Variants in GRID1 observed in about 807,000 individuals in gnomAD.
GRID1 encodes glutamate ionotropic receptor delta type subunit 1.
A neutral mutation model predicts 98.0 loss-of-function variants in GRID1; 28 were observed. The ratio of observed to expected loss-of-function variants is 0.29; its 90% CI spans 0.21 to 0.39. The LOEUF (loss-of-function observed/expected upper bound fraction) is 0.39. Ranked by LOEUF, GRID1 falls within the 10% of genes least tolerant of loss-of-function variation. The probability of loss-of-function intolerance (pLI) is 1.00; values close to 1 mark genes in which losing one functional copy is unlikely to be tolerated. For missense variants in GRID1, 1,111 were observed against 1,340.5 expected (o/e 0.83, Z 2.67); for synonymous variants, 553 against 538.5 (o/e 1.03, Z -0.37).
At chr10:85,750,437 G>A (rs1294219883) in intron 8 of GRID1, among the ~76,000 whole-genome samples, 4 of 152,250 alleles carry the variant, frequency 2.6e-5, no homozygotes, top group African/African-American at 7.2e-5. Flanking sequence ...TGTAAAATGT[G>A]AATAATTGAA....
At chr10:86,299,907 T>C (rs1847657056) in intron 2 of GRID1, among the ~76,000 whole-genome samples, 1 of 152,202 alleles carries the variant, frequency 6.6e-6, no homozygotes, top group Non-Finnish European at 1.5e-5. Context: ...TCCAATCCCC[T>C]GCCTGGACCT....
intron 12 of GRID1, among the ~76,000 whole-genome samples, chr10:85,652,612 A>G (rs72841450): frequency 0.19 from 29,646 of 152,032 alleles, 3,034 homozygotes; most frequent in Non-Finnish European, 0.24. Context: ...TTGATTTTCT[A>G]TCTCATGTTT....
chr10:86,132,686 C>T (rs1034719467), intron 4 of GRID1, among the ~76,000 whole-genome samples: 3 of 152,176 alleles, frequency 2.0e-5, no homozygotes, highest in South Asian at 2.1e-4. Flanking sequence ...GACAACAGAA[C>T]GTTGAGATTG....
At chr10:85,818,351 TAGAC>T (rs71016110) in intron 8 of GRID1, among the ~76,000 whole-genome samples, 80 of 151,812 alleles carry the variant, frequency 5.3e-4, no homozygotes, top group African/African-American at 1.4e-3. Context: ...AATGGATAGA[TAGAC>T]AGACAGACAG....
intron 12 of GRID1, among the ~76,000 whole-genome samples, chr10:85,651,076 C>T (rs943630446): frequency 5.3e-5 from 8 of 152,202 alleles, no homozygotes; most frequent in African/African-American, 1.9e-4. Flanking sequence ...TATGTTTCCA[C>T]AACCCTCCAG....
intron 4 of GRID1, among the ~76,000 whole-genome samples, chr10:85,993,682 C>T (rs1842708213): frequency 6.6e-6 from 1 of 152,154 alleles, no homozygotes; most frequent in African/African-American, 2.4e-5. Flanking sequence ...TGAAGAGCAC[C>T]ATTTAAATTT....
chr10:85,849,147 C>T (rs1479440678), intron 8 of GRID1, among the ~76,000 whole-genome samples: 1 of 152,210 alleles, frequency 6.6e-6, no homozygotes, highest in Non-Finnish European at 1.5e-5. Flanking sequence ...AACCTGGCTT[C>T]ACCTCTTACA....
At chr10:86,300,335 C>T (rs2446013) in intron 2 of GRID1, among the ~76,000 whole-genome samples, 22,391 of 150,870 alleles carry the variant, frequency 0.15, 2,588 homozygotes, top group African/African-American at 0.32. Flanking sequence ...GGCTCGATGG[C>T]GCAAGCTGGT....
chr10:85,720,456 T>C (rs900822841), intron 12 of GRID1, among the ~76,000 whole-genome samples: 4 of 152,130 alleles, frequency 2.6e-5, no homozygotes, highest in Non-Finnish European at 5.9e-5. Context: ...CATGATAGTA[T>C]GGTGTTGGCA....
At chr10:86,267,510 T>C (rs140622457) in intron 2 of GRID1, among the ~76,000 whole-genome samples, 1 of 152,326 alleles carries the variant, frequency 6.6e-6, no homozygotes, top group African/African-American at 2.4e-5. Flanking sequence ...ATGAAGCTGA[T>C]TCATCCCCCC....
At chr10:86,145,755 C>G (rs1344618450) in intron 3 of GRID1, among the ~76,000 whole-genome samples, 5 of 152,104 alleles carry the variant, frequency 3.3e-5, no homozygotes, top group African/African-American at 4.8e-5. Context: ...GTAACAGGAG[C>G]TAGGCCTTCC....
intron 5 of GRID1, among the ~76,000 whole-genome samples, chr10:85,899,134 G>A (rs570192436): frequency 1.3e-5 from 2 of 152,312 alleles, no homozygotes; most frequent in East Asian, 3.9e-4. Context: ...GCATAATTCT[G>A]TAACACAGAA....
At chr10:86,105,386 G>C (rs547919948) in intron 4 of GRID1, among the ~76,000 whole-genome samples, 1 of 152,096 alleles carries the variant, frequency 6.6e-6, no homozygotes, top group Non-Finnish European at 1.5e-5. Flanking sequence ...GCACAGAGCC[G>C]GTCAGAAGCA....
At chr10:85,671,196 A>G (rs765461519) in intron 12 of GRID1, among the ~76,000 whole-genome samples, 3 of 152,052 alleles carry the variant, frequency 2.0e-5, no homozygotes, top group Non-Finnish European at 4.4e-5. Context: ...CTGTCATCTG[A>G]CTATGGTAGC....
At chr10:85,832,210 C>G (rs1842872883) in intron 8 of GRID1, among the ~76,000 whole-genome samples, 1 of 152,090 alleles carries the variant, frequency 6.6e-6, no homozygotes, top group East Asian at 1.9e-4. Flanking sequence ...GTTTGCTTCA[C>G]TAGTGAATTA....
At chr10:85,878,977 T>G (rs1840956674) in intron 5 of GRID1, among the ~76,000 whole-genome samples, 1 of 151,628 alleles carries the variant, frequency 6.6e-6, no homozygotes, top group African/African-American at 2.4e-5. Context: ...AATCCTAGTC[T>G]CTGATAAAAC....
At chr10:85,655,072 C>G (rs887577853) in intron 12 of GRID1, among the ~76,000 whole-genome samples, 9 of 152,172 alleles carry the variant, frequency 5.9e-5, no homozygotes, top group Admixed American at 2.0e-4. Context: ...GCAAAGGAGG[C>G]TTAGTGTAGA....
chr10:85,887,877 A>G (rs1841139332), intron 5 of GRID1, among the ~76,000 whole-genome samples: 1 of 152,098 alleles, frequency 6.6e-6, no homozygotes, highest in East Asian at 1.9e-4. Context: ...TCTTTCTACA[A>G]CCTTTGATGC....
intron 4 of GRID1, among the ~76,000 whole-genome samples, chr10:86,039,786 C>A (rs1259044498): frequency 6.6e-6 from 1 of 152,208 alleles, no homozygotes; most frequent in Non-Finnish European, 1.5e-5. Flanking sequence ...CAAAACAGGT[C>A]TTTAATCCAC....
Sources: gnomAD v4.1 joint callset for allele counts (sites outside exome capture counted in the v4.1 genomes callset) on GRCh38, gnomAD v4.1.1 for gene constraint, MANE v1.5 for transcripts, NCBI Gene and HGNC (gene_info 2026-07-23, HGNC 2026-07-21) for gene names.